The following FAM81B variants were observed in gnomAD, a reference collection of about 807,000 sequenced individuals.
FAM81B encodes family with sequence similarity 81 member B.
FAM81B carries 60 observed loss-of-function variants against 58.7 expected under a neutral mutation model. The observed-to-expected ratio is 1.02, with a 90% CI of 0.83 to 1.27. The LOEUF is 1.27. FAM81B is among the 50% of genes most tolerant of loss of function. The probability of loss-of-function intolerance (pLI) is 0.00; values close to 1 mark genes in which losing one functional copy is unlikely to be tolerated. For synonymous variants in FAM81B, 189 were observed against 179.6 expected (o/e 1.05, Z -0.42); for missense variants, 491 against 522.0 (o/e 0.94, Z 0.58).
chr5:95,448,450 A>C lies in FAM81B; in HGVS notation c.1211A>C (p.Asn404Thr). ...TGGGGTGAATTAGAGACAATGCAGAATGAATATCAATCAGGTGAGCAGATA... is the reference window on the plus strand; with the variant it reads ...TGGGGTGAATTAGAGACAATGCAGACTGAATATCAATCAGGTGAGCAGATA... ...QIWGELETMQ[N>T]EYQSGFKSIH... Residue 404 changes from asparagine (N) to threonine (T), a missense_variant, in exon 9 of 10, where the codon AAT becomes ACT. Asn to Thr is a moderately conservative substitution (Grantham distance 65, BLOSUM62 0). Transcript: ENST00000283357. The C allele has an allele frequency of 6.2e-7, 1 of 1,605,396 alleles. No individual in the cohort carries two copies. The highest frequency in any genetic ancestry group is 8.5e-7 in the Non-Finnish European group (1 of 1,177,828).
chr5:95,428,395 G>A (rs57892359), intron 5 of FAM81B, among the ~76,000 whole-genome samples: 5 of 152,220 alleles, frequency 3.3e-5, no homozygotes, highest in Middle Eastern at 3.4e-3. Flanking sequence ...GCTCTGGTTT[G>A]AGCCAATGCA....
At position 95,420,337 on chromosome 5, in the gene FAM81B, T is replaced by G. The variant is rs774236559; in HGVS notation, c.591T>G (p.Phe197Leu). Residue 197 changes from phenylalanine (F) to leucine (L), a missense_variant, in exon 5 of 10, where the codon TTT becomes TTG. Transcript: ENST00000283357. ...ATCAGGCGGCCACAGGAACTAACTT[T>G]GCAGTACACGAGATAAACATCAAAC... Reference protein sequence around the residue: ...ARDQAATGTNFAVHEINIKHL... With the variant: ...ARDQAATGTNLAVHEINIKHL... The G allele has an allele frequency of 6.2e-7, 1 of 1,613,794 alleles. No individual in the cohort carries two copies. Among genetic ancestry groups the G allele is most frequent in the South Asian group, 1.1e-5 (1 of 91,064 alleles).
intron 7 of FAM81B, among the ~76,000 whole-genome samples, chr5:95,445,365 G>C (rs1745516778): frequency 6.6e-6 from 1 of 152,096 alleles, no homozygotes; most frequent in Non-Finnish European, 1.5e-5. Context: ...ATCTTATCAT[G>C]AGCAAGTCAC....
intron 9 of FAM81B, 29 bp from the exon 10 acceptor site, chr5:95,450,120 A>C: frequency 9.5e-6 from 15 of 1,586,726 alleles, no homozygotes; most frequent in African/African-American, 1.4e-5. Context: ...GCATTGTTTA[A>C]GTGTACCTAT....
chr5:95,413,191 T>G (rs1371794276), intron 3 of FAM81B, among the ~76,000 whole-genome samples: 2 of 152,216 alleles, frequency 1.3e-5, no homozygotes, highest in Non-Finnish European at 2.9e-5. Context: ...TTTTACTTTT[T>G]CTATGATTTT....
intron 7 of FAM81B, among the ~76,000 whole-genome samples, chr5:95,446,151 C>T (rs1000679368): frequency 6.6e-6 from 1 of 152,126 alleles, no homozygotes; most frequent in South Asian, 2.1e-4. Flanking sequence ...TACTATCTGG[C>T]CTTTGACAGA....
chr5:95,445,387 A>C (rs1383417797), intron 7 of FAM81B, among the ~76,000 whole-genome samples: 1 of 152,154 alleles, frequency 6.6e-6, no homozygotes, highest in Non-Finnish European at 1.5e-5. Context: ...TGCAGAAAAC[A>C]CACACAGAAA....
chr5:95,423,061 T>A (rs1349729270), intron 5 of FAM81B, among the ~76,000 whole-genome samples: 2 of 152,170 alleles, frequency 1.3e-5, no homozygotes, highest in African/African-American at 4.8e-5. Context: ...GCCAGGCAAA[T>A]GACTAATGTA....
chr5:95,393,553 A>T (rs1190024276), intron 2 of FAM81B, among the ~76,000 whole-genome samples: 1 of 152,172 alleles, frequency 6.6e-6, no homozygotes, highest in African/African-American at 2.4e-5. Context: ...TCACTTAAGT[A>T]AGTGCTTAGC....
chr5:95,393,021 T>A, intron 2 of FAM81B, 124 bp downstream of exon 2: 2 of 871,762 alleles, frequency 2.3e-6, no homozygotes, highest in East Asian at 6.3e-5. Context: ...CTGTTTGTTC[T>A]GTCTTGGCAA....
chr5:95,429,286 A>C (rs1327810322), intron 6 of FAM81B, among the ~76,000 whole-genome samples: 1 of 152,090 alleles, frequency 6.6e-6, no homozygotes, highest in Non-Finnish European at 1.5e-5. Context: ...GATATTACAC[A>C]TCTTCCTCTA....
intron 7 of FAM81B, 42 bp downstream of exon 7, chr5:95,436,948 A>G (rs1161040217): frequency 1.3e-6 from 2 of 1,500,560 alleles, no homozygotes; most frequent in Non-Finnish European, 1.9e-6. Flanking sequence ...AGTGCATTCC[A>G]AAGAGTTTTG....
At chr5:95,420,708 G>A (rs955445439) in intron 5 of FAM81B, among the ~76,000 whole-genome samples, 2 of 139,108 alleles carry the variant, frequency 1.4e-5, no homozygotes, top group Non-Finnish European at 3.0e-5. Flanking sequence ...AACCATGTAC[G>A]AAATCCCCAT....
In FAM81B at chr5:95,447,925, T is replaced by TC. The variant is rs376908600; in HGVS notation, c.1030-342dup. ...GAGTCACTATTCTAGCCGAAGTCTGTCCACGTGGAGGTATGAAATTGAGGG... is the reference window on the plus strand; with the variant it reads ...GAGTCACTATTCTAGCCGAAGTCTGTCCCACGTGGAGGTATGAAATTGAGGG... On this transcript the variant is annotated intron_variant, in intron 8 of 9. Transcript: ENST00000283357. Among the ~76,000 whole-genome samples the TC allele has an allele frequency of 2.9e-3, 447 of 152,300 alleles. 5 individuals are homozygous for TC. Among genetic ancestry groups the TC allele is most frequent in the African/African-American group, 0.01 (424 of 41,570 alleles).
intron 7 of FAM81B, among the ~76,000 whole-genome samples, chr5:95,441,196 T>C (rs1289897594): frequency 2.0e-5 from 3 of 152,156 alleles, no homozygotes; most frequent in Non-Finnish European, 2.9e-5. Context: ...TCGGCTTCCA[T>C]AGCCACCATT....
intron 3 of FAM81B, among the ~76,000 whole-genome samples, chr5:95,398,369 A>T (rs1435632222): frequency 6.6e-6 from 1 of 152,102 alleles, no homozygotes; most frequent in East Asian, 1.9e-4. Flanking sequence ...CAGTGAATGG[A>T]GAGTGTACCA....
In FAM81B at chr5:95,406,555, G is replaced by C. The variant is rs541740590; in HGVS notation, c.294-7392G>C. On this transcript the variant is annotated intron_variant, in intron 3 of 9. Transcript: ENST00000283357. The stretch of plus-strand genomic sequence containing the variant: ...TGACCTTGACAAGGCAGTTCTCAGA[G>C]AAAGCTAACAGCTGAAGTCTGCCAG... Among the ~76,000 whole-genome samples, 3 of 152,228 alleles carry C rather than the reference G, an allele frequency of 2.0e-5. No homozygotes were observed. The East Asian group carries it at 5.8e-4, about 29-fold the overall frequency.
chr5:95,397,252 AT>A lies in FAM81B; in HGVS notation c.293+1078del, dbSNP rs1463375802. ...ATAACTTGTATTTGTTTATATGACTATGAGTCTATGATTTAGAAAAAAATAA... is the reference window on the plus strand; with the variant it reads ...ATAACTTGTATTTGTTTATATGACTAGAGTCTATGATTTAGAAAAAAATAA... On this transcript the variant is annotated intron_variant, in intron 3 of 9. Transcript: ENST00000283357. Among the ~76,000 whole-genome samples the A allele has an allele frequency of 3.9e-5, 6 of 152,338 alleles. No individual in the cohort carries two copies. In the East Asian group the frequency reaches 5.8e-4, roughly 15 times the overall value.
intron 7 of FAM81B, among the ~76,000 whole-genome samples, chr5:95,445,113 T>C (rs1325502998): frequency 2.0e-5 from 3 of 152,178 alleles, no homozygotes; most frequent in Non-Finnish European, 4.4e-5. Flanking sequence ...CCAAACACTT[T>C]TTCCAAAGAG....
Sources: gnomAD v4.1 joint callset for allele counts (sites outside exome capture counted in the v4.1 genomes callset) on GRCh38, gnomAD v4.1.1 for gene constraint, MANE v1.5 for transcripts, NCBI Gene and HGNC (gene_info 2026-07-23, HGNC 2026-07-21) for gene names.